The following EHD2 variants were observed in gnomAD, a reference collection of about 807,000 sequenced individuals.
The protein encoded by EHD2 is EH domain containing 2.
In EHD2, 27 loss-of-function variants were observed where a neutral mutation model predicts 41.0. That is an observed-to-expected ratio of 0.66 (90% CI 0.49 to 0.91). The LOEUF (loss-of-function observed/expected upper bound fraction) is 0.91, where lower values mean the gene tolerates loss of function less well. Among genes scored for constraint, EHD2 ranks in the 40% least tolerant of loss-of-function variants. EHD2 has a pLI of 0.00. For missense variants in EHD2, 673 were observed against 773.9 expected, an observed-to-expected ratio of 0.87 and a Z score of 1.55; for synonymous variants, 342 against 341.0, an observed-to-expected ratio of 1.00 and a Z score of -0.03.
chr19:47,740,979 C>G lies in EHD2; in HGVS notation c.1179C>G (p.Leu393=). ...DEMLTHDIAK[L]MPLLRQEELE... is the part of the protein sequence containing the mutation. Reference sequence around the variant, plus strand: ...TGCTGACGCACGACATCGCCAAGCTCATGCCCCTGCTGCGGCAGGAGGAGC... The same window carrying G: ...TGCTGACGCACGACATCGCCAAGCTGATGCCCCTGCTGCGGCAGGAGGAGC... The change falls in exon 6 of 6, where the codon CTC becomes CTG. Residue 393 remains leucine (L), a synonymous_variant. Coordinates refer to ENST00000263277, the MANE Select transcript of EHD2 (RefSeq NM_014601.4). 2 of 1,612,210 alleles carry G rather than the reference C, an allele frequency of 1.2e-6. No individual in the cohort carries two copies. Among genetic ancestry groups the G allele is most frequent in the Non-Finnish European group, 1.7e-6 (2 of 1,179,964 alleles).
Position 47,741,521 on chromosome 19 carries a change from T to TGCCCTCCCTGCCC in EHD2, c.*90_*102dup. ...TGCTCCGGCTCACACACGCCCTGCC[T>TGCCCTCCCTGCCC]GCCCTCCCTGCCCAGCTGTAAGGAC... On this transcript the variant is annotated 3_prime_UTR_variant, in exon 6 of 6. Transcript: ENST00000263277. The surrounding 1 kb of genome is among the most constrained non-coding windows in gnomAD (Gnocchi z 4.5). 1.4e-6 allele frequency: 2 copies of TGCCCTCCCTGCCC among 1,389,560 alleles called. No homozygotes were observed. The highest frequency in any genetic ancestry group is 2.7e-5 in the South Asian group (2 of 75,118). 86.1% of individuals were successfully genotyped at this position (1,389,560 alleles called of 1,614,324 possible). A position where few individuals can be genotyped will look rare whatever the true frequency, so the allele number is the denominator to read the frequency against.
At chr19:47,740,452 A>G (rs918092163) in intron 5 of EHD2, among the ~76,000 whole-genome samples, 11 of 151,462 alleles carry the variant, frequency 7.3e-5, no homozygotes, top group Admixed American at 1.3e-4. Flanking sequence ...AAAACAAAAC[A>G]AAACAAAACA....
In EHD2 at chr19:47,719,961, T is replaced by TGTGTGTGTGTGTGTGTGTGG. The variant is rs1973678036; in HGVS notation, c.502+1364_502+1365insTGTGTGTGTGGGTGTGTGTG. Among the ~76,000 whole-genome samples, 1 of 125,056 alleles carries TGTGTGTGTGTGTGTGTGTGG rather than the reference T, an allele frequency of 8.0e-6. No homozygotes were observed. Among genetic ancestry groups the TGTGTGTGTGTGTGTGTGTGG allele is most frequent in the African/African-American group, 3.8e-5 (1 of 26,212 alleles). 82.0% of individuals were successfully genotyped at this position (125,056 alleles called of 152,430 possible). Reference sequence around the variant, plus strand: ...TGGTGTGTATATGTGTGTGTGTGTGTGTGTGTGTGACTTTGTGTATATCTT... The same window carrying TGTGTGTGTGTGTGTGTGTGG: ...TGGTGTGTATATGTGTGTGTGTGTGTGTGTGTGTGTGTGTGTGTGGGTGTGTGTGACTTTGTGTATATCTT... On this transcript the variant is annotated intron_variant, in intron 3 of 5. Transcript: ENST00000263277. The surrounding 1 kb of genome is among the most constrained non-coding windows in gnomAD (Gnocchi z 4.1).
intron 1 of EHD2, 56 bp from the exon 2 acceptor site, chr19:47,716,502 C>T: frequency 8.0e-7 from 1 of 1,255,204 alleles, no homozygotes; most frequent in Non-Finnish European, 1.1e-6. Context: ...CACTCAGACC[C>T]CTTTCTTCCT....
At chr19:47,729,386 G>A (rs1478487501) in intron 4 of EHD2, among the ~76,000 whole-genome samples, 1 of 152,172 alleles carries the variant, frequency 6.6e-6, no homozygotes, top group Admixed American at 6.6e-5. Flanking sequence ...TCGGAGCAGG[G>A]AAAGGAGATA....
intron 4 of EHD2, 76 bp from the exon 5 acceptor site, chr19:47,736,293 T>G: frequency 1.4e-6 from 2 of 1,387,570 alleles, no homozygotes; most frequent in East Asian, 2.6e-5. Context: ...TCTCTGGGAG[T>G]GGGGCCTGCA....
chr19:47,718,379 C>A, intron 2 of EHD2, 130 bp from the exon 3 acceptor site: 1 of 676,264 alleles, frequency 1.5e-6, no homozygotes, highest in Non-Finnish European at 2.5e-6. Context: ...TGCCCTTTTT[C>A]TGTCCGGTGT....
In EHD2 at chr19:47,726,572, TTCTC is replaced by T. The variant is rs902715023; in HGVS notation, c.915+350_915+353del. 9.2e-5 allele frequency among the ~76,000 whole-genome samples: 14 copies of T among 151,666 alleles called. No individual in the cohort carries two copies. The South Asian group carries it at 1.7e-3, about 18-fold the overall frequency. Reference sequence around the variant, plus strand: ...TTCTTCTCCCTCCTCCTCCTCCTTCTTCTCTTTCTTCCTCCCCTTCCTCCTTCCT... The same window carrying T: ...TTCTTCTCCCTCCTCCTCCTCCTTCTTTTCTTCCTCCCCTTCCTCCTTCCT... On this transcript the variant is annotated intron_variant, in intron 4 of 5. Transcript: ENST00000263277.
chr19:47,722,946 G>A (rs1973712804), intron 3 of EHD2, among the ~76,000 whole-genome samples: 1 of 152,222 alleles, frequency 6.6e-6, no homozygotes, highest in South Asian at 2.1e-4. Context: ...TGGGGTTGTT[G>A]TGAAGAGTCA....
intron 3 of EHD2, among the ~76,000 whole-genome samples, chr19:47,721,576 A>C (rs1350819780): frequency 6.6e-6 from 1 of 151,844 alleles, no homozygotes; most frequent in Non-Finnish European, 1.5e-5. Flanking sequence ...GGCCTCCCAA[A>C]GTGTTGGGAT....
intron 4 of EHD2, among the ~76,000 whole-genome samples, chr19:47,727,863 G>A (rs917751499): frequency 6.6e-6 from 1 of 152,064 alleles, no homozygotes; most frequent in Non-Finnish European, 1.5e-5. Flanking sequence ...GGAGGCCGAG[G>A]GGGGAGCAGA....
intron 3 of EHD2, among the ~76,000 whole-genome samples, chr19:47,720,259 G>T (rs551328118): frequency 4.2e-4 from 64 of 152,170 alleles, no homozygotes; most frequent in African/African-American, 1.5e-3. Flanking sequence ...TGCCTCCCGA[G>T]TTCAAGTGGC....
intron 4 of EHD2, among the ~76,000 whole-genome samples, chr19:47,728,474 G>GTCCTT (rs1286623785): frequency 1.3e-5 from 2 of 151,570 alleles, no homozygotes; most frequent in Non-Finnish European, 2.9e-5. Flanking sequence ...TAACCCTGTT[G>GTCCTT]TCCTTTCCTT....
chr19:47,730,304 C>T (rs1036637150), intron 4 of EHD2, among the ~76,000 whole-genome samples: 3 of 152,018 alleles, frequency 2.0e-5, no homozygotes, highest in East Asian at 3.9e-4. Flanking sequence ...TCCATTGGCC[C>T]GCTCTCACAG....
rs761877567 is a variant in EHD2 at position 47,718,552 on chromosome 19, A to G, written c.448A>G (p.Ser150Gly). Residue 150 changes from serine (S) to glycine (G), a missense_variant, in exon 3 of 6, where the codon AGC (serine) becomes GGC (glycine). Coordinates refer to ENST00000263277, the MANE Select transcript of EHD2 (RefSeq NM_014601.4). The stretch of plus-strand genomic sequence containing the variant: ...CCCTAATCAGGTCCTGGAGAGCATC[A>G]GCATCATCGACACCCCGGGTATCCT... ...QLPNQVLESISIIDTPGILSG... is the reference protein window; with the variant it reads ...QLPNQVLESIGIIDTPGILSG... 8 of 1,588,034 alleles carry G rather than the reference A, an allele frequency of 5.0e-6. No homozygotes were observed. The highest frequency in any genetic ancestry group is 6.9e-6 in the Non-Finnish European group (8 of 1,166,948).
chr19:47,726,216 C>T lies in EHD2; in HGVS notation c.907C>T (p.Leu303=). 1 of 1,513,468 alleles carries T rather than the reference C, an allele frequency of 6.6e-7. No individual in the cohort carries two copies. Among genetic ancestry groups the T allele is most frequent in the Non-Finnish European group, 8.9e-7 (1 of 1,129,460 alleles). 93.8% of individuals were successfully genotyped at this position (1,513,468 alleles called of 1,614,324 possible). A position where few individuals can be genotyped will look rare whatever the true frequency, so the allele number is the denominator to read the frequency against. Residue 303 remains leucine, a synonymous_variant, in exon 4 of 6, where the codon CTG becomes TTG. Coordinates refer to ENST00000263277, the MANE Select transcript of EHD2 (RefSeq NM_014601.4). ...CAACGACCTGGTGAAGAGGGCCCGG[C>T]TGGTGCGAGTGAGTAGTCCTGAGGG... is the stretch of plus-strand genomic sequence containing the variant. ...KLNDLVKRAR[L]VRVHAYIISY...
chr19:47,732,458 G>C (rs546816270), intron 4 of EHD2, among the ~76,000 whole-genome samples: 124 of 151,480 alleles, frequency 8.2e-4, no homozygotes, highest in African/African-American at 2.0e-3. Context: ...TCGCTGTGTC[G>C]CCCAGACTGG....
chr19:47,716,549 C>T lies in EHD2; in HGVS notation c.-55-9C>T. The T allele has an allele frequency of 6.9e-7, 1 of 1,441,002 alleles. No individual in the cohort carries two copies. The highest frequency in any genetic ancestry group is 9.1e-7 in the Non-Finnish European group (1 of 1,098,892). 89.3% of individuals were successfully genotyped at this position (1,441,002 alleles called of 1,614,324 possible). A position where few individuals can be genotyped will look rare whatever the true frequency, so the allele number is the denominator to read the frequency against. ...CCGCCTATGCTCATGCCCTCTCCCC[C>T]TCCCACAGGCAGCTCTCCATCTGCA... On this transcript the variant is annotated splice_polypyrimidine_tract_variant and intron_variant, in intron 1 of 5. Transcript: ENST00000263277.
At position 47,716,008 on chromosome 19, in the gene EHD2, G is replaced by T. The variant is rs554702675; in HGVS notation, c.-55-550G>T. 2.0e-5 allele frequency among the ~76,000 whole-genome samples: 3 copies of T among 150,580 alleles called. No individual in the cohort carries two copies. In the East Asian group the frequency reaches 5.9e-4, roughly 30 times the overall value. On this transcript the variant is annotated intron_variant, in intron 1 of 5. Coordinates refer to ENST00000263277, the MANE Select transcript of EHD2 (RefSeq NM_014601.4). ...GGTCTCAAACTCCTGACCTCAGGTG[G>T]TCCACCTGCCTCAGCCTCCCGAAGT... is the stretch of plus-strand genomic sequence containing the variant.
Sources: gnomAD v4.1 joint callset for allele counts (sites outside exome capture counted in the v4.1 genomes callset) on GRCh38, gnomAD v4.1.1 for gene constraint, Gnocchi (gnomAD v3.1) non-coding constraint, MANE v1.5 for transcripts, NCBI Gene and HGNC (gene_info 2026-07-23, HGNC 2026-07-21) for gene names.